Variants in ATF6B observed in about 807,000 individuals in gnomAD.
The protein encoded by ATF6B is cyclic AMP-dependent transcription factor ATF-6 beta.
A neutral mutation model predicts 83.5 loss-of-function variants in ATF6B; 50 were observed. That is an observed-to-expected ratio of 0.60 (90% confidence interval 0.48 to 0.76). ATF6B has a LOEUF of 0.76. ATF6B is among the 30% of genes least tolerant of loss of function. The pLI, the probability that ATF6B is intolerant of heterozygous loss-of-function variation, is 0.00. For synonymous variants in ATF6B, 344 were observed against 362.8 expected, an observed-to-expected ratio of 0.95 and a Z score of 0.59; for missense variants, 790 against 893.8, an observed-to-expected ratio of 0.88 and a Z score of 1.48.
Position 32,119,924 on chromosome 6 carries a change from C to G in ATF6B, c.866G>C (p.Arg289Pro). 1 of 1,614,092 alleles carries G rather than the reference C, an allele frequency of 6.2e-7. No homozygotes were observed. Among genetic ancestry groups the G allele is most frequent in the Non-Finnish European group, 8.5e-7 (1 of 1,180,010 alleles). Reference protein sequence around the residue: ...SPVVLIQGAIRVQPEGPAPSL... With the variant: ...SPVVLIQGAIPVQPEGPAPSL... ...GGGAGCCGGCCCTTCAGGCTGGACTCGAATAGCACCCTGGATGAGGACAAC... is the reference window on the plus strand; with the variant it reads ...GGGAGCCGGCCCTTCAGGCTGGACTGGAATAGCACCCTGGATGAGGACAAC... The change falls in exon 9 of 18, where the codon CGA becomes CCA. Residue 289 changes from arginine (R) to proline (P), a missense_variant. Arg to Pro is a moderately radical substitution (Grantham distance 103). This residue lies in a region of ATF6B where 530 missense variants were observed against 632.6 expected (regional missense o/e 0.84). Transcript: ENST00000375203. This position sits in a 1 kb window ranked among gnomAD's most constrained non-coding sequence, Gnocchi z 4.9.
chr6:32,122,805 C>T (rs910970119), intron 5 of ATF6B, among the ~76,000 whole-genome samples: 12 of 148,754 alleles, frequency 8.1e-5, no homozygotes, highest in South Asian at 2.1e-4. Context: ...GCCGAGATTG[C>T]GCCACTGCAC....
At chr6:32,122,305 T>C (rs1322932455) in intron 5 of ATF6B, among the ~76,000 whole-genome samples, 1 of 152,070 alleles carries the variant, frequency 6.6e-6, no homozygotes, top group Non-Finnish European at 1.5e-5. Flanking sequence ...CTCCAATAAA[T>C]CTGCCTTTAT....
chr6:32,127,825 T>C (rs1237151062), intron 1 of ATF6B, 75 bp from the exon 2 acceptor site: 1 of 1,496,358 alleles, frequency 6.7e-7, no homozygotes, highest in Non-Finnish European at 9.3e-7. Flanking sequence ...CCCCGCCCCA[T>C]CCCTCATTGG....
intron 1 of ATF6B, 65 bp from the exon 2 acceptor site, chr6:32,127,815 C>T: frequency 6.5e-7 from 1 of 1,543,888 alleles, no homozygotes; most frequent in Non-Finnish European, 8.9e-7. Context: ...GCACACAAGC[C>T]CCCGCCCCAT....
At position 32,127,666 on chromosome 6, in the gene ATF6B, A is replaced by G; in HGVS notation, c.171+5T>C. ...AGGGTTAGAGAAAGGCTGGGGACAC[A>G]ATACCGGGACATCCTGCTCCGGGCA... On this transcript the variant is annotated splice_donor_5th_base_variant and intron_variant, in intron 2 of 17. Coordinates refer to ENST00000375203, the MANE Select transcript of ATF6B (RefSeq NM_004381.5). 1 of 1,614,192 alleles carries G rather than the reference A, an allele frequency of 6.2e-7. No homozygotes were observed. Among genetic ancestry groups the G allele is most frequent in the Non-Finnish European group, 8.5e-7 (1 of 1,180,026 alleles).
chr6:32,118,944 GA>G lies in ATF6B; in HGVS notation c.1152+11del, dbSNP rs912497382. 2 of 1,613,898 alleles carry G rather than the reference GA, an allele frequency of 1.2e-6. No homozygotes were observed. Among genetic ancestry groups the G allele is most frequent in the Non-Finnish European group, 8.5e-7 (1 of 1,179,872 alleles). On this transcript the variant is annotated intron_variant, in intron 10 of 17. Coordinates refer to ENST00000375203, the MANE Select transcript of ATF6B (RefSeq NM_004381.5). The surrounding 1 kb of genome is among the most constrained non-coding windows in gnomAD (Gnocchi z 5.2). ...TATTCCTGTTGGTCTCCCAGGGACA[GA>G]CTGGTCTTACTTCAGCCAGCAGGGC... is the stretch of plus-strand genomic sequence containing the variant.
In ATF6B at chr6:32,120,837, T is replaced by C. The variant is rs768942120; in HGVS notation, c.766A>G (p.Met256Val). The change falls in exon 8 of 18, where the codon ATG (methionine) becomes GTG (valine). Residue 256 changes from methionine (M) to valine (V), a missense_variant. Met to Val is a conservative substitution (Grantham distance 21). Coordinates refer to ENST00000375203, the MANE Select transcript of ATF6B (RefSeq NM_004381.5). ...PKPVVLTTVP[M>V]PSRAVPPSTT... ...CTGGGAGGCACAGCTCTGGATGGCA[T>C]TGGGACAGTGGTTAGCACTACAGGT... 1.9e-5 allele frequency: 31 copies of C among 1,604,400 alleles called. No homozygotes were observed. The highest frequency in any genetic ancestry group is 1.7e-4 in the Middle Eastern group (1 of 6,018).
At chr6:32,126,281 G>A in intron 4 of ATF6B, 29 bp from the exon 5 acceptor site, 1 of 1,608,244 alleles carries the variant, frequency 6.2e-7, no homozygotes, top group South Asian at 1.1e-5. Context: ...GGGGCAGGGG[G>A]CAGAAAGAAG....
At position 32,115,336 on chromosome 6, in the gene ATF6B, C is replaced by T. The variant is rs1781471548; in HGVS notation, c.*403G>A. ...AATGCACACACATAAACCTGAACTC[C>T]CCCCCACCCCACCCTCCCTTACTCC... is the stretch of plus-strand genomic sequence containing the variant. On this transcript the variant is annotated 3_prime_UTR_variant, in exon 18 of 18. Transcript: ENST00000375203. 1 of 149,686 alleles carries T rather than the reference C, an allele frequency of 6.7e-6. No homozygotes were observed. Among genetic ancestry groups the T allele is most frequent in the Admixed American group, 6.7e-5 (1 of 14,974 alleles). The allele number at this position is 149,686 out of a possible 1,614,324, so 9.3% of individuals were successfully genotyped here.
In ATF6B at chr6:32,119,750, C is replaced by G; in HGVS notation, c.966+74G>C. ...AGGTATCGACTCCCTCCTCATCCCA[C>G]AGTTCTCTCTATGGCAAGACTTCCC... On this transcript the variant is annotated intron_variant, in intron 9 of 17. Coordinates refer to ENST00000375203, the MANE Select transcript of ATF6B (RefSeq NM_004381.5). The surrounding 1 kb of genome is among the most constrained non-coding windows in gnomAD (Gnocchi z 4.9). 1 of 1,571,796 alleles carries G rather than the reference C, an allele frequency of 6.4e-7. No homozygotes were observed. Among genetic ancestry groups the G allele is most frequent in the African/African-American group, 1.4e-5 (1 of 73,988 alleles).
chr6:32,127,343 T>G, intron 3 of ATF6B, 99 bp downstream of exon 3: 1 of 1,412,058 alleles, frequency 7.1e-7, no homozygotes, highest in Non-Finnish European at 9.7e-7. Flanking sequence ...TAGGCACTTA[T>G]GTAGAAGCGT....
chr6:32,121,198 T>C, intron 6 of ATF6B, 65 bp downstream of exon 6: 2 of 1,609,444 alleles, frequency 1.2e-6, no homozygotes, highest in South Asian at 1.1e-5. Flanking sequence ...GGGAAAGCTC[T>C]CATACCTCTA....
chr6:32,116,728 T>C lies in ATF6B; in HGVS notation c.1773A>G (p.Thr591=), dbSNP rs757209389. Residue 591 remains threonine (T), a synonymous_variant, in exon 16 of 18, where the codon ACA becomes ACG. Transcript: ENST00000375203. The surrounding 1 kb of genome is among the most constrained non-coding windows in gnomAD (Gnocchi z 5.1). ...FLDAIDRRED[T]FYVVSFRRDH... ...CCCTTCGGAAAGAGACAACATAAAATGTGTCTTCCCGTCGGTCAATTGCAT... is the reference window on the plus strand; with the variant it reads ...CCCTTCGGAAAGAGACAACATAAAACGTGTCTTCCCGTCGGTCAATTGCAT... 1 of 1,614,002 alleles carries C rather than the reference T, an allele frequency of 6.2e-7. No individual in the cohort carries two copies. Among genetic ancestry groups the C allele is most frequent in the East Asian group, 2.2e-5 (1 of 44,866 alleles).
rs1206892393 is a variant in ATF6B, at chr6:32,125,239, G to A, written c.478+878C>T. Reference sequence around the variant, plus strand: ...AAAGTCAGCATGGTGGTCAGGTCTTGTTCATCTTTGCATTCCCAGCATGCT... The same window carrying A: ...AAAGTCAGCATGGTGGTCAGGTCTTATTCATCTTTGCATTCCCAGCATGCT... On this transcript the variant is annotated intron_variant, in intron 5 of 17. Coordinates refer to ENST00000375203, the MANE Select transcript of ATF6B (RefSeq NM_004381.5). This position sits in a 1 kb window ranked among gnomAD's most constrained non-coding sequence, Gnocchi z 4.1. Among the ~76,000 whole-genome samples, 5 of 152,212 alleles carry A rather than the reference G, an allele frequency of 3.3e-5. No homozygotes were observed. The highest frequency in any genetic ancestry group is 6.5e-5 in the Admixed American group (1 of 15,282).
rs1369102177 is a variant in ATF6B at position 32,126,362 on chromosome 6, C to T, written c.343-110G>A. 5 of 1,338,350 alleles carry T rather than the reference C, an allele frequency of 3.7e-6. No individual in the cohort carries two copies. In the Admixed American group the frequency reaches 1.3e-4, roughly 35 times the overall value. 82.9% of individuals were successfully genotyped at this position (1,338,350 alleles called of 1,614,324 possible). A position where few individuals can be genotyped will look rare whatever the true frequency, so the allele number is the denominator to read the frequency against. ...CTTTAGAAGTTTAGGGCTTACAAGC[C>T]ATCAATTATTTGACATTCTGGTCTG... is the stretch of plus-strand genomic sequence containing the variant. On this transcript the variant is annotated intron_variant, in intron 4 of 17. Transcript: ENST00000375203.
chr6:32,124,313 A>C (rs62402722), intron 5 of ATF6B, among the ~76,000 whole-genome samples: 6,606 of 152,212 alleles, frequency 0.043, 196 homozygotes, highest in African/African-American at 0.081. Context: ...TCACCCACCC[A>C]CAGCCATCCT....
chr6:32,123,421 T>C (rs945859398), intron 5 of ATF6B, among the ~76,000 whole-genome samples: 17 of 151,978 alleles, frequency 1.1e-4, no homozygotes, highest in African/African-American at 3.6e-4. Flanking sequence ...CAACAATCCT[T>C]ACAATCCTTT....
chr6:32,121,366 A>G lies in ATF6B; in HGVS notation c.479-18T>C. 6.2e-7 allele frequency: 1 copy of G among 1,607,568 alleles called. No homozygotes were observed. Among genetic ancestry groups the G allele is most frequent in the Non-Finnish European group, 8.5e-7 (1 of 1,174,552 alleles). On this transcript the variant is annotated intron_variant, in intron 5 of 17. Transcript: ENST00000375203. ...CTGGACATCTGTGGGAGGCAGGATG[A>G]GGCAAAAGCTGGATATCATGTAAAC...
Position 32,128,215 on chromosome 6 carries a change from C to T in ATF6B, c.-8G>A, listed in dbSNP as rs1782076809. On this transcript the variant is annotated 5_prime_UTR_variant, in exon 1 of 18. Transcript: ENST00000375203. The stretch of plus-strand genomic sequence containing the variant: ...CAGCATCAGCTCCGCCATCTTTCCC[C>T]CCCACCCCCCAACCAGGAGACGGTT... 6.3e-7 allele frequency: 1 copy of T among 1,599,184 alleles called. No individual in the cohort carries two copies.
Sources: allele counts gnomAD v4.1 joint callset (sites outside exome capture counted in the v4.1 genomes callset), GRCh38; gene constraint gnomAD v4.1.1; regional missense constraint gnomAD v4.1.1; non-coding constraint Gnocchi (gnomAD v3.1); transcripts MANE v1.5; gene names NCBI Gene and HGNC (gene_info 2026-07-23, HGNC 2026-07-21).